FAM3A: variants seen among roughly 807,000 people sequenced by gnomAD.
The protein encoded by FAM3A is protein FAM3A.
In FAM3A, 5 loss-of-function variants were observed where a neutral mutation model predicts 18.1. The observed-to-expected ratio is 0.28, with a 90% CI of 0.14 to 0.58. FAM3A has a LOEUF of 0.58. Ranked by LOEUF, FAM3A falls within the 20% of genes least tolerant of loss-of-function variation. The pLI is 0.91. For synonymous variants in FAM3A, 108 were observed against 90.2 expected, an observed-to-expected ratio of 1.20 and a Z score of -1.12; for missense variants, 154 against 216.6, an observed-to-expected ratio of 0.71 and a Z score of 1.81.
chrX:154,512,269 GA>G, intron 2 of FAM3A: 2 of 228,640 alleles, frequency 8.7e-6, no homozygotes, highest in Admixed American at 6.2e-5. Flanking sequence ...ATAATAATAA[GA>G]AGAAGAAGAA....
chrX:154,512,260 TAATAATAAG>T (rs1416596293), intron 2 of FAM3A: 195 of 162,799 alleles, frequency 1.2e-3, no homozygotes, highest in African/African-American at 7.7e-3. Context: ...ATAATAATAA[TAATAATAAG>T]AAGAAGAAGA....
Position 154,507,530 on chromosome X carries a change from C to T in FAM3A, c.386-40G>A, listed in dbSNP as rs1024462595. 5 of 1,132,046 alleles carry T rather than the reference C, an allele frequency of 4.4e-6. No individual in the cohort carries two copies. In the East Asian group the frequency reaches 9.0e-5, roughly 20 times the overall value. The allele number at this position is 1,132,046 out of a possible 1,213,427, so 93.3% of individuals were successfully genotyped here. ...GCCACGGAACAGGGGTCATCAGGCA[C>T]CACTGAGCACCCTCCCACAAGCCCG... On this transcript the variant is annotated intron_variant, in intron 6 of 8. Coordinates refer to ENST00000447601, the MANE Select transcript of FAM3A (RefSeq NM_021806.4).
intron 2 of FAM3A, 148 bp downstream of exon 2, chrX:154,512,675 C>T: frequency 2.1e-6 from 1 of 465,269 alleles, no homozygotes; most frequent in Admixed American, 3.9e-5. Flanking sequence ...CGCCTGATGC[C>T]AGGAGACAGA....
At chrX:154,513,878 G>A (rs1557224196) in intron 1 of FAM3A, among the ~76,000 whole-genome samples, 1 of 110,054 alleles carries the variant, frequency 9.1e-6, no homozygotes, top group Non-Finnish European at 1.9e-5. Context: ...CCCCTCAAAA[G>A]TCATCTATAC....
intron 1 of FAM3A, among the ~76,000 whole-genome samples, chrX:154,515,143 C>T (rs781963958): frequency 8.9e-6 from 1 of 112,397 alleles, no homozygotes; most frequent in African/African-American, 3.2e-5. Flanking sequence ...TAGATGATGT[C>T]ATCTACTCCT....
intron 4 of FAM3A, 49 bp from the exon 5 acceptor site, chrX:154,508,396 C>T (rs782180382): frequency 6.0e-6 from 7 of 1,162,407 alleles, no homozygotes; most frequent in Non-Finnish European, 6.9e-6. Context: ...ATGGGCACGT[C>T]TGCTCCACTC....
At chrX:154,512,266 TAAGAAGAAG>T (rs1234590110) in intron 2 of FAM3A, 11 of 162,202 alleles carry the variant, frequency 6.8e-5, no homozygotes, top group African/African-American at 2.9e-4. Context: ...ATAATAATAA[TAAGAAGAAG>T]AAGAAGAAGA....
Position 154,506,880 on chromosome X carries a change from G to C in FAM3A, c.624C>G (p.Asn208Lys), listed in dbSNP as rs1557218755. The change falls in exon 9 of 9, where the codon AAC becomes AAG. Residue 208 changes from asparagine to lysine, a missense_variant. By Grantham distance (94) the Asn-to-Lys change is moderately conservative (BLOSUM62 0). Transcript: ENST00000447601. The part of the protein sequence containing the change: ...EQHVKNSKHS[N>K]KYEGWPEALE... ...GCGCCTCGGGCCAGCCTTCGTACTT[G>C]TTGCTGTGCTTACTGTTCTTCACGT... 2 of 1,211,605 alleles carry C rather than the reference G, an allele frequency of 1.7e-6. No homozygotes were observed. Among genetic ancestry groups the C allele is most frequent in the South Asian group, 1.8e-5 (1 of 56,962 alleles).
chrX:154,508,072 C>A (rs1225515220), intron 5 of FAM3A, among the ~76,000 whole-genome samples: 1 of 112,992 alleles, frequency 8.9e-6, no homozygotes, highest in African/African-American at 3.2e-5. Context: ...CATGAAGCAC[C>A]CTCAACCTCC....
chrX:154,507,151 AGAAGGGGCGACAGGCTGC>A, intron 8 of FAM3A, 34 bp downstream of exon 8: 1 of 1,164,533 alleles, frequency 8.6e-7, no homozygotes. Flanking sequence ...GCATGCAGGC[AGAAGGGGCGACAGGCTGC>A]CCCGGTGGGG....
chrX:154,509,219 C>A (rs1294662534), intron 3 of FAM3A: 4 of 151,129 alleles, frequency 2.6e-5, no homozygotes, highest in Non-Finnish European at 3.9e-5. Flanking sequence ...GGAAGACAGC[C>A]ATGGTACAGT....
At chrX:154,513,984 G>T (rs1040490355) in intron 1 of FAM3A, among the ~76,000 whole-genome samples, 5 of 109,626 alleles carry the variant, frequency 4.6e-5, no homozygotes, top group African/African-American at 6.7e-5. Context: ...CAAGGCCACT[G>T]ATGACCTTTG....
At chrX:154,507,639 TC>T in intron 6 of FAM3A, 149 bp from the exon 7 acceptor site, 1 of 799,165 alleles carries the variant, frequency 1.3e-6, no homozygotes, top group Non-Finnish European at 1.8e-6. Context: ...AGCTGAGGCA[TC>T]CCCGTGACCT....
Position 154,506,758 on chromosome X carries a change from C to T in FAM3A, c.*53G>A, listed in dbSNP as rs187804324. 443 of 1,040,750 alleles carry T rather than the reference C, an allele frequency of 4.3e-4. 2 individuals carry two copies. The African/African-American group carries it at 7.1e-3, about 17-fold the overall frequency. The allele number at this position is 1,040,750 out of a possible 1,213,427, so 85.8% of individuals were successfully genotyped here. On this transcript the variant is annotated 3_prime_UTR_variant, in exon 9 of 9. Transcript: ENST00000447601. ...CTCAGCCTCTGTCCGCCCGGCAGCG[C>T]GCGTGCCTCCCTTGGTCTGGCCTCC...
chrX:154,512,510 C>G (rs868961509), intron 2 of FAM3A: 14 of 292,097 alleles, frequency 4.8e-5, no homozygotes, highest in Middle Eastern at 9.9e-4. Flanking sequence ...CTCTCCATCT[C>G]AGAGCCTGCA....
intron 5 of FAM3A, 110 bp downstream of exon 5, chrX:154,508,179 C>G: frequency 1.7e-6 from 1 of 596,902 alleles, no homozygotes; most frequent in Non-Finnish European, 2.5e-6. Context: ...CTTCCCAGGC[C>G]TCCCTGGGAG....
intron 1 of FAM3A, among the ~76,000 whole-genome samples, chrX:154,513,603 C>T (rs1557224074): frequency 1.8e-5 from 2 of 110,585 alleles, no homozygotes; most frequent in Non-Finnish European, 3.8e-5. Context: ...GCACTCCAGC[C>T]TGGCGACAGA....
intron 1 of FAM3A, among the ~76,000 whole-genome samples, chrX:154,513,842 CCCTAA>C (rs1451648526): frequency 9.1e-6 from 1 of 110,256 alleles, no homozygotes; most frequent in Non-Finnish European, 1.9e-5. Flanking sequence ...ATCCTCTTTC[CCCTAA>C]CCTTTCTTTT....
chrX:154,515,186 T>G (rs1458810297), intron 1 of FAM3A, among the ~76,000 whole-genome samples: 1 of 112,181 alleles, frequency 8.9e-6, no homozygotes, highest in African/African-American at 3.2e-5. Context: ...TGTCAATGAC[T>G]TTCTATTTTC....
Sources: allele counts gnomAD v4.1 joint callset (sites outside exome capture counted in the v4.1 genomes callset), GRCh38; gene constraint gnomAD v4.1.1; transcripts MANE v1.5; gene names NCBI Gene and HGNC (gene_info 2026-07-23, HGNC 2026-07-21).